Variants in GNL3L observed in about 807,000 individuals in gnomAD.
GNL3L encodes guanine nucleotide-binding protein-like 3-like protein.
In GNL3L, 4 loss-of-function variants were observed where a neutral mutation model predicts 42.9. That is an observed-to-expected ratio of 0.09 (90% CI 0.05 to 0.21). The LOEUF is 0.21. GNL3L is among the 10% of genes least tolerant of loss of function. GNL3L has a pLI of 1.00. For missense variants in GNL3L, 412 were observed against 481.7 expected (o/e 0.86, Z 1.36); for synonymous variants, 159 against 176.3 (o/e 0.90, Z 0.78).
rs1924674358 is a variant in GNL3L at position 54,543,041 on chromosome X, A to G, written c.390+3A>G. Reference sequence around the variant, plus strand: ...CTTATTACAAGGAGTTCCGTAAGGTACAGGGTTCCATTTCTTCAGGCTTTT... The same window carrying G: ...CTTATTACAAGGAGTTCCGTAAGGTGCAGGGTTCCATTTCTTCAGGCTTTT... On this transcript the variant is annotated splice_donor_region_variant and intron_variant, in intron 6 of 15. Coordinates refer to ENST00000360845, the MANE Select transcript of GNL3L (RefSeq NM_001184819.2). The G allele has an allele frequency of 8.7e-7, 1 of 1,145,139 alleles. No homozygotes were observed. Among genetic ancestry groups the G allele is most frequent in the Non-Finnish European group, 1.2e-6 (1 of 835,010 alleles). The allele number at this position is 1,145,139 out of a possible 1,213,427, so 94.4% of individuals were successfully genotyped here.
rs1925299865 is a variant in GNL3L at position 54,562,555 on chromosome X, G to A, written c.*1953G>A. 9.0e-6 allele frequency among the ~76,000 whole-genome samples: 1 copy of A among 110,871 alleles called. No individual in the cohort carries two copies. The highest frequency in any genetic ancestry group is 9.7e-5 in the Admixed American group (1 of 10,344). On this transcript the variant is annotated 3_prime_UTR_variant, in exon 16 of 16. Coordinates refer to ENST00000360845, the MANE Select transcript of GNL3L (RefSeq NM_001184819.2). ...TGAGTACAAACTGCACCAAGCCCTG[G>A]AGACCCATTACCACCGTTAACCCTC...
At chrX:54,583,149 G>T (rs1925739253) in intron 16 of GNL3L, among the ~76,000 whole-genome samples, 1 of 111,138 alleles carries the variant, frequency 9.0e-6, no homozygotes, top group Non-Finnish European at 1.9e-5. Context: ...TTCACAGAGC[G>T]AATGTTTTAA....
At chrX:54,533,729 C>T (rs1924336927) in intron 2 of GNL3L, among the ~76,000 whole-genome samples, 1 of 110,660 alleles carries the variant, frequency 9.0e-6, no homozygotes, top group South Asian at 3.8e-4. Flanking sequence ...TCCCAAAGTG[C>T]TGGAATTGCA....
chrX:54,534,523 G>A (rs1924363353), intron 2 of GNL3L, among the ~76,000 whole-genome samples: 1 of 111,574 alleles, frequency 9.0e-6, no homozygotes, highest in Non-Finnish European at 1.9e-5. Context: ...GACAGTATGG[G>A]AGATGAGGGA....
chrX:54,581,944 T>C (rs1381172235), intron 16 of GNL3L, among the ~76,000 whole-genome samples: 3 of 112,096 alleles, frequency 2.7e-5, no homozygotes, highest in Non-Finnish European at 5.6e-5. Context: ...GTGGAATTTC[T>C]GAGTTATGTA....
rs1454589194 is a variant in GNL3L at position 54,579,996 on chromosome X, T to TG, written c.*45+19349_*45+19350insG. ...CCTGGCCTAAAGTTTGTTTTTTTTTTTTTTTTTTTTTTTTTTTATACTTTA... is the reference window on the plus strand; with the variant it reads ...CCTGGCCTAAAGTTTGTTTTTTTTTTGTTTTTTTTTTTTTTTTTATACTTTA... On this transcript the variant is annotated intron_variant, in intron 16 of 16. Transcript: ENST00000674498. Among the ~76,000 whole-genome samples, 36 of 102,390 alleles carry TG rather than the reference T, an allele frequency of 3.5e-4. 1 individual carries two copies. The highest frequency in any genetic ancestry group is 1.3e-3 in the African/African-American group (36 of 27,296). 88.9% of individuals were successfully genotyped at this position (102,390 alleles called of 115,157 possible).
At chrX:54,614,621 C>T (rs189212559) in intron 16 of GNL3L, among the ~76,000 whole-genome samples, 77 of 111,323 alleles carry the variant, frequency 6.9e-4, no homozygotes, top group African/African-American at 2.4e-3. Context: ...CCCTATATTT[C>T]GCTCGGCTCT....
intron 16 of GNL3L, among the ~76,000 whole-genome samples, chrX:54,607,021 T>C (rs868637118): frequency 0.038 from 2,367 of 61,550 alleles, 206 homozygotes; most frequent in African/African-American, 0.22. Context: ...TCTTTCTTTC[T>C]TTCTTTCTTT....
At position 54,562,449 on chromosome X, in the gene GNL3L, T is replaced by A. The variant is rs1925296487; in HGVS notation, c.*1847T>A. On this transcript the variant is annotated 3_prime_UTR_variant, in exon 16 of 16. Transcript: ENST00000360845. ...CATGTGACAAGGACTGGAGTGCCAT[T>A]GGCTGTGGACTGTTCAGGCAGGGAA... Among the ~76,000 whole-genome samples the A allele has an allele frequency of 9.0e-6, 1 of 111,237 alleles. No individual in the cohort carries two copies. Among genetic ancestry groups the A allele is most frequent in the Non-Finnish European group, 1.9e-5 (1 of 53,060 alleles).
the GNL3L span, among the ~76,000 whole-genome samples, chrX:54,628,913 T>A: frequency 9.8e-6 from 1 of 101,752 alleles, no homozygotes; most frequent in Non-Finnish European, 2.0e-5. Flanking sequence ...AAACATAATA[T>A]AATATAATTA....
intron 16 of GNL3L, among the ~76,000 whole-genome samples, chrX:54,577,776 C>T (rs911508001): frequency 1.3e-4 from 14 of 110,807 alleles, no homozygotes; most frequent in Middle Eastern, 4.7e-3. Context: ...GTCTCACTCC[C>T]GTTGCCCAGG....
intron 16 of GNL3L, among the ~76,000 whole-genome samples, chrX:54,612,659 A>T (rs1926176558): frequency 9.0e-6 from 1 of 111,193 alleles, no homozygotes; most frequent in Admixed American, 9.6e-5. Context: ...TTTATCTGAA[A>T]ATGACTGTAT....
At chrX:54,633,637 G>A in the GNL3L span, among the ~76,000 whole-genome samples, 13 of 110,488 alleles carry the variant, frequency 1.2e-4, no homozygotes, top group Non-Finnish European at 2.3e-4. Context: ...GTTCCAAGGG[G>A]GGATTATGGC....
chrX:54,620,918 T>C (rs1327562932), exon 17 of GNL3L, among the ~76,000 whole-genome samples: 1 of 112,459 alleles, frequency 8.9e-6, no homozygotes, highest in Non-Finnish European at 1.9e-5. Context: ...GTCCAAAGCA[T>C]AAAGTGGACC....
chrX:54,560,707 A>G lies in GNL3L; in HGVS notation c.*105A>G, dbSNP rs1925238056. ...CCCTGAAGCATCTGCATATTGAAAG[A>G]ACGCTTTCCCCACTGTGTGTCTTCT... On this transcript the variant is annotated 3_prime_UTR_variant, in exon 16 of 16. Transcript: ENST00000360845. 1.8e-6 allele frequency: 1 copy of G among 550,876 alleles called. No individual in the cohort carries two copies. The highest frequency in any genetic ancestry group is 3.2e-6 in the Non-Finnish European group (1 of 316,815). 45.4% of individuals were successfully genotyped at this position (550,876 alleles called of 1,213,427 possible). A position where few individuals can be genotyped will look rare whatever the true frequency, so the allele number is the denominator to read the frequency against.
At chrX:54,636,219 G>A in the GNL3L span, among the ~76,000 whole-genome samples, 1 of 112,149 alleles carries the variant, frequency 8.9e-6, no homozygotes, top group Non-Finnish European at 1.9e-5. Flanking sequence ...AATAAGGTCT[G>A]CTCTGTTTCC....
intron 15 of GNL3L, among the ~76,000 whole-genome samples, chrX:54,559,806 A>C (rs764682651): frequency 2.3e-4 from 26 of 112,108 alleles, no homozygotes; most frequent in Admixed American, 2.3e-3. Context: ...TATTCTTTGA[A>C]CTAGATTGTG....
At chrX:54,622,387 C>T (rs1266722584), downstream of GNL3L, among the ~76,000 whole-genome samples, 3 of 100,531 alleles carry the variant, frequency 3.0e-5, no homozygotes, top group Non-Finnish European at 3.9e-5. Context: ...TGGGTTCAAG[C>T]GATTCTCCTG....
intron 16 of GNL3L, among the ~76,000 whole-genome samples, chrX:54,609,966 C>T (rs1354230855): frequency 8.9e-6 from 1 of 111,993 alleles, no homozygotes. Context: ...AATATTTATT[C>T]TACACATCCA....
Sources: gnomAD v4.1 joint callset for allele counts (sites outside exome capture counted in the v4.1 genomes callset) on GRCh38, gnomAD v4.1.1 for gene constraint, MANE v1.5 for transcripts, NCBI Gene and HGNC (gene_info 2026-07-23, HGNC 2026-07-21) for gene names.